ANK3: variants seen among roughly 807,000 people sequenced by gnomAD.
ANK3 encodes ankyrin 3.
A neutral mutation model predicts 370.9 loss-of-function variants in ANK3; 57 were observed. The ratio of observed to expected loss-of-function variants is 0.15; its 90% CI spans 0.12 to 0.19. ANK3 has a LOEUF of 0.19. ANK3 is among the 10% of genes least tolerant of loss of function. ANK3 has a pLI of 1.00. For synonymous variants in ANK3, 1,929 were observed against 1,946.3 expected (o/e 0.99, Z 0.23); for missense variants, 4,439 against 5,302.1 (o/e 0.84, Z 5.06).
chr10:60,305,682 G>A (rs549110638), intron 1 of ANK3, among the ~76,000 whole-genome samples: 1 of 152,234 alleles, frequency 6.6e-6, no homozygotes, highest in South Asian at 2.1e-4. Flanking sequence ...ACAATTATAC[G>A]AAATAAGAAG....
intron 23 of ANK3, among the ~76,000 whole-genome samples, chr10:60,141,909 A>G (rs545461724): frequency 5.6e-4 from 85 of 152,278 alleles, no homozygotes; most frequent in Middle Eastern, 3.4e-3. Flanking sequence ...AAGGGAAGTC[A>G]TTTATAATGT....
In ANK3 at chr10:60,082,284, G is replaced by A. The variant is rs931589912; in HGVS notation, c.4324-108C>T. 7.0e-6 allele frequency: 7 copies of A among 1,002,898 alleles called. No homozygotes were observed. The African/African-American group carries it at 1.2e-4, about 17-fold the overall frequency. 62.1% of individuals were successfully genotyped at this position (1,002,898 alleles called of 1,614,324 possible). On this transcript the variant is annotated intron_variant, in intron 34 of 43. Transcript: ENST00000280772. ...TGAGTAGGGAGCACAAATGCAAGCTGATTTAGAAAGCAAAGCAAATTTTAA... is the reference window on the plus strand; with the variant it reads ...TGAGTAGGGAGCACAAATGCAAGCTAATTTAGAAAGCAAAGCAAATTTTAA...
At chr10:60,342,273 A>G (rs977020346) in intron 1 of ANK3, among the ~76,000 whole-genome samples, 1 of 152,162 alleles carries the variant, frequency 6.6e-6, no homozygotes, top group Non-Finnish European at 1.5e-5. Context: ...TTCAGTAGAT[A>G]AGAATTCGGA....
At chr10:60,126,592 G>A (rs1388379707) in intron 25 of ANK3, among the ~76,000 whole-genome samples, 2 of 151,848 alleles carry the variant, frequency 1.3e-5, no homozygotes, top group Non-Finnish European at 2.9e-5. Flanking sequence ...GGAGGCTGAG[G>A]CATGAAAACT....
At chr10:60,204,882 A>C (rs946076355) in intron 11 of ANK3, among the ~76,000 whole-genome samples, 4 of 152,152 alleles carry the variant, frequency 2.6e-5, no homozygotes, top group Non-Finnish European at 5.9e-5. Context: ...GGGTTTCCTG[A>C]AGAAGGTGGC....
chr10:60,677,593 A>G (rs74155672), intron 1 of ANK3, among the ~76,000 whole-genome samples: 1,785 of 152,264 alleles, frequency 0.012, 33 homozygotes, highest in African/African-American at 0.04. Flanking sequence ...AGAAATAAGT[A>G]TATTTGAAAC....
chr10:60,105,515 T>C (rs2092045954), intron 28 of ANK3, among the ~76,000 whole-genome samples: 1 of 152,212 alleles, frequency 6.6e-6, no homozygotes, highest in Admixed American at 6.5e-5. Flanking sequence ...TTGAAAAAGC[T>C]GAAAGAGTCC....
chr10:60,101,765 C>T lies in ANK3; in HGVS notation c.3328+4140G>A, dbSNP rs377383495. Among the ~76,000 whole-genome samples the T allele has an allele frequency of 1.1e-3, 168 of 152,302 alleles. 1 individual carries two copies. Among genetic ancestry groups the T allele is most frequent in the African/African-American group, 3.9e-3 (164 of 41,562 alleles). On this transcript the variant is annotated intron_variant, in intron 28 of 43. Coordinates refer to ENST00000280772, the MANE Select transcript of ANK3 (RefSeq NM_020987.5). ...TGGGCTTGCTGGTGATAAGGAGTAACTTTTAATTCCCCCTTATTTTGCAGC... is the reference window on the plus strand; with the variant it reads ...TGGGCTTGCTGGTGATAAGGAGTAATTTTTAATTCCCCCTTATTTTGCAGC...
At position 60,454,639 on chromosome 10, in the gene ANK3, C is replaced by T. The variant is rs192847168; in HGVS notation, c.96+160547G>A. Among the ~76,000 whole-genome samples, 374 of 152,272 alleles carry T rather than the reference C, an allele frequency of 2.5e-3. 6 individuals are homozygous for T. Among genetic ancestry groups the T allele is most frequent in the Non-Finnish European group, 4.3e-3 (293 of 68,010 alleles). Reference sequence around the variant, plus strand: ...CCCTTTGGCTCTGCCTGAAGTAGGACATCCTGGGATGACGTTTTTATTACA... The same window carrying T: ...CCCTTTGGCTCTGCCTGAAGTAGGATATCCTGGGATGACGTTTTTATTACA... On this transcript the variant is annotated intron_variant, in intron 2 of 43. Coordinates refer to the ANK3 transcript ENST00000373827.
chr10:60,585,011 A>G (rs7072678), intron 2 of ANK3, among the ~76,000 whole-genome samples: 105,109 of 152,016 alleles, frequency 0.69, 36,776 homozygotes, highest in South Asian at 0.88. Flanking sequence ...GGCATTGGGT[A>G]TCCTTCAAGA....
chr10:60,290,852 C>T (rs1238006012), intron 1 of ANK3, among the ~76,000 whole-genome samples: 1 of 152,074 alleles, frequency 6.6e-6, no homozygotes, highest in Non-Finnish European at 1.5e-5. Context: ...GAGTGGGAAC[C>T]AGTTAAAAAA....
intron 1 of ANK3, among the ~76,000 whole-genome samples, chr10:60,686,792 G>A (rs2079273865): frequency 6.6e-6 from 1 of 152,134 alleles, no homozygotes; most frequent in Non-Finnish European, 1.5e-5. Context: ...GATGTAACAA[G>A]CATGCATAAA....
intron 33 of ANK3, 57 bp from the exon 34 acceptor site, chr10:60,082,794 A>G: frequency 6.4e-7 from 1 of 1,574,394 alleles, no homozygotes. Context: ...AGGATTTTTA[A>G]CTGTATAAGA....
chr10:60,198,468 G>C lies in ANK3; in HGVS notation c.1561C>G (p.Gln521Glu). 1 of 1,614,220 alleles carries C rather than the reference G, an allele frequency of 6.2e-7. No homozygotes were observed. The highest frequency in any genetic ancestry group is 8.5e-7 in the Non-Finnish European group (1 of 1,180,032). Residue 521 changes from glutamine to glutamate, a missense_variant, in exon 14 of 44, where the codon CAA becomes GAA. This residue lies in a region of ANK3 where 227 missense variants were observed against 377.6 expected (regional missense o/e 0.60). Transcript: ENST00000280772. Reference sequence around the variant, plus strand: ...GTGGCTGCATTTGGAGATGCCCCTTGCTGCAACAGCTGTTGTACTATGTCT... The same window carrying C: ...GTGGCTGCATTTGGAGATGCCCCTTCCTGCAACAGCTGTTGTACTATGTCT... ...KADIVQQLLQ[Q>E]GASPNAATTS...
chr10:60,270,722 T>C (rs899331568), intron 4 of ANK3, among the ~76,000 whole-genome samples: 2 of 152,212 alleles, frequency 1.3e-5, no homozygotes, highest in Non-Finnish European at 2.9e-5. Flanking sequence ...GAGGAATTTA[T>C]ATTAATCTCA....
chr10:60,056,582 T>C (rs908549263), intron 41 of ANK3, among the ~76,000 whole-genome samples: 2 of 152,148 alleles, frequency 1.3e-5, no homozygotes, highest in African/African-American at 2.4e-5. Context: ...TATGCTCTCG[T>C]CTAAATAAAC....
intron 1 of ANK3, among the ~76,000 whole-genome samples, chr10:60,297,157 A>AC (rs2042702968): frequency 2.0e-5 from 3 of 152,218 alleles, no homozygotes; most frequent in Admixed American, 6.5e-5. Context: ...AAGACTAAAT[A>AC]AAGCTGAAAC....
chr10:60,147,596 G>A (rs1404541969), intron 23 of ANK3, among the ~76,000 whole-genome samples: 2 of 152,190 alleles, frequency 1.3e-5, no homozygotes, highest in Non-Finnish European at 2.9e-5. Flanking sequence ...TCACATGGGT[G>A]GATTCTCATG....
At chr10:60,523,452 CATT>C (rs1229947847) in intron 2 of ANK3, among the ~76,000 whole-genome samples, 1 of 137,398 alleles carries the variant, frequency 7.3e-6, no homozygotes, top group Non-Finnish European at 1.5e-5. Flanking sequence ...CATGTGTTCT[CATT>C]GTTCAATTCC....
Sources: allele counts gnomAD v4.1 joint callset (sites outside exome capture counted in the v4.1 genomes callset), GRCh38; gene constraint gnomAD v4.1.1; regional missense constraint gnomAD v4.1.1; transcripts MANE v1.5; gene names NCBI Gene and HGNC (gene_info 2026-07-23, HGNC 2026-07-21).